The following STXBP3 variants were observed in gnomAD, a reference collection of about 807,000 sequenced individuals.
STXBP3 encodes the protein syntaxin-binding protein 3.
In STXBP3, 41 loss-of-function variants were observed where a neutral mutation model predicts 85.7. The ratio of observed to expected loss-of-function variants is 0.48; its 90% confidence interval spans 0.37 to 0.62. The LOEUF (loss-of-function observed/expected upper bound fraction) is 0.62, where lower values mean the gene tolerates loss of function less well. Ranked by LOEUF, STXBP3 falls within the 20% of genes least tolerant of loss-of-function variation. STXBP3 has a pLI of 0.00. For missense variants in STXBP3, 563 were observed against 703.1 expected (o/e 0.80, Z 2.25); for synonymous variants, 229 against 231.7 (o/e 0.99, Z 0.10).
chr1:108,751,207 C>T (rs1272361784), intron 1 of STXBP3, among the ~76,000 whole-genome samples: 1 of 152,168 alleles, frequency 6.6e-6, no homozygotes, highest in South Asian at 2.1e-4. Context: ...AGCCCTCAAT[C>T]TAAAGCTGTA....
At chr1:108,798,350 T>C in intron 16 of STXBP3, 113 bp downstream of exon 16, 1 of 619,400 alleles carries the variant, frequency 1.6e-6, no homozygotes, top group Non-Finnish European at 2.6e-6. Context: ...GTTTCTGCAG[T>C]GGTTGGAGGC....
rs747260322 is a variant in STXBP3, at chr1:108,793,636, C to A, written c.1018C>A (p.Gln340Lys). 1.5e-5 allele frequency: 24 copies of A among 1,611,354 alleles called. No homozygotes were observed. The highest frequency in any genetic ancestry group is 2.0e-5 in the Non-Finnish European group (23 of 1,178,218). The change falls in exon 12 of 19, where the codon CAG becomes AAG. Residue 340 changes from glutamine to lysine, a missense_variant. Transcript: ENST00000370008. ...LMKKMPHFRKQITKQVVHLNL... is the reference protein window; with the variant it reads ...LMKKMPHFRKKITKQVVHLNL... ...GAAAAAGATGCCCCATTTCCGAAAACAGATTACTAAGGTAAGCAGTATTGT... is the reference window on the plus strand; with the variant it reads ...GAAAAAGATGCCCCATTTCCGAAAAAAGATTACTAAGGTAAGCAGTATTGT...
chr1:108,779,379 G>A lies in STXBP3; in HGVS notation c.778G>A (p.Asp260Asn), dbSNP rs1444469789. ...HELTFQAMAY[D>N]LLPIENDTYK... Reference sequence around the variant, plus strand: ...ACTGACCTTTCAGGCAATGGCATATGATCTACTACCAATTGAGAATGATAC... The same window carrying A: ...ACTGACCTTTCAGGCAATGGCATATAATCTACTACCAATTGAGAATGATAC... The change falls in exon 9 of 19, where the codon GAT becomes AAT. Residue 260 changes from aspartate (D) to asparagine (N), a missense_variant. This residue lies in a region of STXBP3 where 494 missense variants were observed against 592.8 expected (regional missense o/e 0.83). Transcript: ENST00000370008. 6.2e-7 allele frequency: 1 copy of A among 1,612,354 alleles called. No individual in the cohort carries two copies. Among genetic ancestry groups the A allele is most frequent in the East Asian group, 2.2e-5 (1 of 44,832 alleles).
intron 11 of STXBP3, among the ~76,000 whole-genome samples, chr1:108,784,458 T>C (rs1329935826): frequency 6.6e-6 from 1 of 152,156 alleles, no homozygotes; most frequent in Non-Finnish European, 1.5e-5. Flanking sequence ...ATCACAAGAA[T>C]AGCATGGGGC....
At chr1:108,790,651 A>G (rs1175552032) in intron 11 of STXBP3, among the ~76,000 whole-genome samples, 1 of 151,466 alleles carries the variant, frequency 6.6e-6, no homozygotes, top group East Asian at 1.9e-4. Context: ...CTTCTTTATC[A>G]AGTCTTTTTT....
intron 4 of STXBP3, among the ~76,000 whole-genome samples, chr1:108,757,219 A>T (rs1297498357): frequency 6.6e-6 from 1 of 152,048 alleles, no homozygotes; most frequent in African/African-American, 2.4e-5. Flanking sequence ...TTTAGTTTAT[A>T]ATCTGACTCT....
chr1:108,761,559 T>C (rs2101107635), intron 6 of STXBP3, among the ~76,000 whole-genome samples: 1 of 152,348 alleles, frequency 6.6e-6, no homozygotes, highest in South Asian at 2.1e-4. Flanking sequence ...GAGAATGCTC[T>C]TGAGAAGTTT....
intron 2 of STXBP3, 78 bp downstream of exon 2, chr1:108,752,384 T>C: frequency 7.5e-7 from 1 of 1,324,564 alleles, no homozygotes; most frequent in Non-Finnish European, 1.1e-6. Flanking sequence ...TACATAGTAT[T>C]TACATGGTAT....
rs933007675 is a variant in STXBP3 at position 108,754,793 on chromosome 1, T to C, written c.181+1649T>C. Among the ~76,000 whole-genome samples the C allele has an allele frequency of 1.1e-4, 16 of 152,302 alleles. No homozygotes were observed. The South Asian group carries it at 2.7e-3, about 26-fold the overall frequency. On this transcript the variant is annotated intron_variant, in intron 3 of 18. Coordinates refer to ENST00000370008, the MANE Select transcript of STXBP3 (RefSeq NM_007269.4). The stretch of plus-strand genomic sequence containing the variant: ...GATAGTATTCAGTTTTCTAAACTTA[T>C]TTGGCCACAGAAAGCTATTTTTGAG...
At chr1:108,765,993 C>T (rs182628743) in intron 6 of STXBP3, among the ~76,000 whole-genome samples, 1 of 151,622 alleles carries the variant, frequency 6.6e-6, no homozygotes, top group African/African-American at 2.4e-5. Context: ...GCTGGGATTA[C>T]AGGCATGTGC....
chr1:108,807,145 G>A (rs150501196), intron 17 of STXBP3, among the ~76,000 whole-genome samples: 40 of 151,784 alleles, frequency 2.6e-4, no homozygotes, highest in East Asian at 1.2e-3. Flanking sequence ...CTAGCTACTC[G>A]GGAGGCTGAA....
At chr1:108,768,184 A>C (rs747783936) in intron 6 of STXBP3, among the ~76,000 whole-genome samples, 2 of 152,212 alleles carry the variant, frequency 1.3e-5, no homozygotes, top group Non-Finnish European at 2.9e-5. Context: ...TATGGGATAC[A>C]ATTTGATGTT....
chr1:108,776,390 C>G lies in STXBP3; in HGVS notation c.651C>G (p.Asp217Glu). ...LAQLVEKKLE[D>E]YYKIDEKSLI... is the part of the protein sequence containing the mutation. ...AGCTTGTTGAAAAAAAGCTTGAAGA[C>G]TACTACAAGATTGATGAAAAGAGCC... Residue 217 changes from aspartate (D) to glutamate (E), a missense_variant, in exon 8 of 19, where the codon GAC (aspartate) becomes GAG (glutamate). Physicochemically the swap from Asp to Glu is conservative, Grantham distance 45 (BLOSUM62 2). Coordinates refer to ENST00000370008, the MANE Select transcript of STXBP3 (RefSeq NM_007269.4). 2 of 1,608,498 alleles carry G rather than the reference C, an allele frequency of 1.2e-6. No homozygotes were observed. Among genetic ancestry groups the G allele is most frequent in the Non-Finnish European group, 1.7e-6 (2 of 1,177,104 alleles).
intron 6 of STXBP3, among the ~76,000 whole-genome samples, chr1:108,760,899 GT>G (rs1662125098): frequency 6.6e-6 from 1 of 151,882 alleles, no homozygotes; most frequent in East Asian, 1.9e-4. Flanking sequence ...TGGGTTTTTT[GT>G]TTTTGTTTTT....
At chr1:108,773,597 T>C (rs1662519867) in intron 7 of STXBP3, among the ~76,000 whole-genome samples, 1 of 152,158 alleles carries the variant, frequency 6.6e-6, no homozygotes, top group African/African-American at 2.4e-5. Flanking sequence ...CCAGAGCTCA[T>C]CCCAGCAGCT....
intron 7 of STXBP3, among the ~76,000 whole-genome samples, chr1:108,775,882 T>C (rs1662579792): frequency 6.6e-6 from 1 of 151,652 alleles, no homozygotes; most frequent in Non-Finnish European, 1.5e-5. Flanking sequence ...AATGAATAAA[T>C]CCGATATGTG....
At position 108,761,525 on chromosome 1, in the gene STXBP3, A is replaced by G. The variant is rs577759627; in HGVS notation, c.438+1440A>G. 2.6e-5 allele frequency among the ~76,000 whole-genome samples: 4 copies of G among 152,326 alleles called. No homozygotes were observed. The East Asian group carries it at 7.7e-4, about 29-fold the overall frequency. ...ATCTGAATAATTTGATGGTGAATAG[A>G]AATAACCTGTCTTTGCATGTCTAGA... On this transcript the variant is annotated intron_variant, in intron 6 of 18. Coordinates refer to ENST00000370008, the MANE Select transcript of STXBP3 (RefSeq NM_007269.4).
chr1:108,747,447 C>G (rs189362481), intron 1 of STXBP3, among the ~76,000 whole-genome samples: 392 of 152,226 alleles, frequency 2.6e-3, no homozygotes, highest in Admixed American at 3.6e-3. Flanking sequence ...TCTCGGGGGC[C>G]CCTCCCTGCT....
At chr1:108,775,132 T>G (rs1187413645) in intron 7 of STXBP3, among the ~76,000 whole-genome samples, 1 of 152,134 alleles carries the variant, frequency 6.6e-6, no homozygotes, top group Admixed American at 6.6e-5. Flanking sequence ...TACAAAGAGT[T>G]GAATTACCCT....
Sources: gnomAD v4.1 joint callset for allele counts (sites outside exome capture counted in the v4.1 genomes callset) on GRCh38, gnomAD v4.1.1 for gene constraint, gnomAD v4.1.1 regional missense constraint, MANE v1.5 for transcripts, NCBI Gene and HGNC (gene_info 2026-07-23, HGNC 2026-07-21) for gene names.